Variants in ADGRL2 observed in about 807,000 individuals in gnomAD.
The protein encoded by ADGRL2 is adhesion G protein-coupled receptor L2, also known as calcium-independent alpha-latrotoxin receptor 2.
A neutral mutation model predicts 157.4 loss-of-function variants in ADGRL2; 44 were observed. The ratio of observed to expected loss-of-function variants is 0.28; its 90% CI spans 0.22 to 0.36. The LOEUF (loss-of-function observed/expected upper bound fraction) is 0.36, where lower values mean the gene tolerates loss of function less well. ADGRL2 is among the 10% of genes least tolerant of loss of function. The pLI is 1.00. For synonymous variants in ADGRL2, 585 were observed against 624.7 expected, an observed-to-expected ratio of 0.94 and a Z score of 0.95; for missense variants, 1,510 against 1,768.9, an observed-to-expected ratio of 0.85 and a Z score of 2.63.
At position 81,667,510 on chromosome 1, in the gene ADGRL2, T is replaced by C. The variant is rs147830700; in HGVS notation, c.-143+86530T>C. Among the ~76,000 whole-genome samples, 32 of 152,300 alleles carry C rather than the reference T, an allele frequency of 2.1e-4. No homozygotes were observed. In the East Asian group the frequency reaches 6.2e-3, roughly 29 times the overall value. On this transcript the variant is annotated intron_variant, in intron 3 of 24. Transcript: ENST00000370721. Reference sequence around the variant, plus strand: ...CATAACAGCTATTGACTAAAGAACTTAGCTGGGAATGTCTTTCGTCTGTCA... The same window carrying C: ...CATAACAGCTATTGACTAAAGAACTCAGCTGGGAATGTCTTTCGTCTGTCA...
At chr1:81,971,432 G>T (rs558283899) in intron 16 of ADGRL2, among the ~76,000 whole-genome samples, 2 of 152,234 alleles carry the variant, frequency 1.3e-5, no homozygotes, top group East Asian at 3.9e-4. Context: ...TGGGGGTTCT[G>T]TTAGGTTCCA....
intron 2 of ADGRL2, among the ~76,000 whole-genome samples, chr1:81,477,873 C>G (rs1224507556): frequency 3.3e-5 from 5 of 152,130 alleles, no homozygotes; most frequent in African/African-American, 9.7e-5. Context: ...CTGCTGCAAA[C>G]ATTTTTGAAT....
Position 81,907,029 on chromosome 1 carries a change from C to G in ADGRL2, c.86C>G (p.Ala29Gly). The change falls in exon 3 of 24, where the codon GCA (alanine) becomes GGA (glycine). Residue 29 changes from alanine (A) to glycine (G), a missense_variant. Around this residue, in one of 4 missense-constraint regions of ADGRL2, gnomAD observed 361 missense variants for 498.4 expected, o/e 0.72. Coordinates refer to ENST00000686636, the MANE Select transcript of ADGRL2 (RefSeq NM_001366006.2). ...FLPNTEGFSR[A>G]ALPFGLVRRE... Reference sequence around the variant, plus strand: ...TTTTTATTTTAAGGTTTCAGCAGAGCAGCTTTACCATTTGGGCTGGTGAGG... The same window carrying G: ...TTTTTATTTTAAGGTTTCAGCAGAGGAGCTTTACCATTTGGGCTGGTGAGG... 1 of 1,613,120 alleles carries G rather than the reference C, an allele frequency of 6.2e-7. No individual in the cohort carries two copies. Among genetic ancestry groups the G allele is most frequent in the Non-Finnish European group, 8.5e-7 (1 of 1,179,206 alleles).
At chr1:81,667,017 T>C (rs975060400) in intron 3 of ADGRL2, among the ~76,000 whole-genome samples, 1 of 152,186 alleles carries the variant, frequency 6.6e-6, no homozygotes, top group Non-Finnish European at 1.5e-5. Flanking sequence ...CTATTATATT[T>C]AATAGTGCAC....
At chr1:81,382,384 G>A (rs974317904) in intron 1 of ADGRL2, among the ~76,000 whole-genome samples, 1 of 152,158 alleles carries the variant, frequency 6.6e-6, no homozygotes, top group Non-Finnish European at 1.5e-5. Flanking sequence ...CAATCTGAAT[G>A]TCCATTAAGT....
intron 3 of ADGRL2, among the ~76,000 whole-genome samples, chr1:81,599,409 A>G (rs946716860): frequency 6.6e-6 from 1 of 152,132 alleles, no homozygotes; most frequent in African/African-American, 2.4e-5. Context: ...ACTCTAAGAT[A>G]TCAGTAACAT....
chr1:81,990,744 C>G lies in ADGRL2; in HGVS notation c.4009C>G (p.Leu1337Val), dbSNP rs368144102. The G allele has an allele frequency of 1.2e-5, 20 of 1,614,148 alleles. No individual in the cohort carries two copies. The African/African-American group carries it at 1.5e-4, about 12-fold the overall frequency. The change falls in exon 24 of 24, where the codon CTT becomes GTT. Residue 1337 changes from leucine (L) to valine (V), a missense_variant. Leu to Val is a conservative substitution (Grantham distance 32). Around this residue, in one of 4 missense-constraint regions of ADGRL2, gnomAD observed 327 missense variants for 310.1 expected, o/e 1.05. Transcript: ENST00000686636. ...CCATCACAAAGAACTCGAGGCACCA[C>G]TTATTCCTCAGCGGACTCACTCCCT... is the stretch of plus-strand genomic sequence containing the variant. ...ELHHKELEAP[L>V]IPQRTHSLLY...
At chr1:81,791,609 A>C (rs907387652) in intron 2 of ADGRL2, among the ~76,000 whole-genome samples, 1 of 152,164 alleles carries the variant, frequency 6.6e-6, no homozygotes, top group Non-Finnish European at 1.5e-5. Flanking sequence ...AGGAAAAAAA[A>C]CGGGATGGAA....
intron 1 of ADGRL2, among the ~76,000 whole-genome samples, chr1:81,369,397 T>C (rs754288312): frequency 1.3e-5 from 2 of 152,354 alleles, no homozygotes; most frequent in East Asian, 1.9e-4. Flanking sequence ...GTCTATAGTC[T>C]ATATGTAAAT....
At chr1:81,331,219 T>G (rs1661244700) in intron 1 of ADGRL2, among the ~76,000 whole-genome samples, 1 of 152,148 alleles carries the variant, frequency 6.6e-6, no homozygotes, top group Non-Finnish European at 1.5e-5. Flanking sequence ...TCAGACAGTA[T>G]GAAATTTTCT....
At chr1:81,850,342 C>T (rs1353753968) in intron 2 of ADGRL2, among the ~76,000 whole-genome samples, 17 of 151,786 alleles carry the variant, frequency 1.1e-4, no homozygotes, top group Non-Finnish European at 1.0e-4. Flanking sequence ...CTCTTTTACC[C>T]CTTCTTTCAG....
chr1:81,379,810 T>C (rs1405107671), intron 1 of ADGRL2, among the ~76,000 whole-genome samples: 5 of 152,116 alleles, frequency 3.3e-5, no homozygotes, highest in Admixed American at 2.6e-4. Flanking sequence ...GATCTCGAGT[T>C]TCTATAGGCC....
At chr1:81,403,977 T>C (rs2076809290) in intron 1 of ADGRL2, among the ~76,000 whole-genome samples, 1 of 152,052 alleles carries the variant, frequency 6.6e-6, no homozygotes, top group Non-Finnish European at 1.5e-5. Context: ...TTTGTATTTT[T>C]AGTAGAGACA....
intron 1 of ADGRL2, among the ~76,000 whole-genome samples, chr1:81,747,014 A>G (rs190644672): frequency 9.4e-4 from 131 of 139,714 alleles, no homozygotes; most frequent in East Asian, 2.6e-3. Context: ...ATACACACGT[A>G]TGTATACACG....
At chr1:81,825,672 A>G (rs76114800) in intron 1 of ADGRL2, among the ~76,000 whole-genome samples, 7,010 of 150,032 alleles carry the variant, frequency 0.047, 594 homozygotes, top group African/African-American at 0.16. Flanking sequence ...AAAAAAAAAA[A>G]AAAAAGACAT....
rs546284078 is a variant in ADGRL2 at position 81,859,829 on chromosome 1, T to A, written c.73+22772T>A. On this transcript the variant is annotated intron_variant, in intron 2 of 23. Transcript: ENST00000686636. ...AGGACTTTATTAAATCCTAAGCAAATTCAGACATCATAGAAAATTGGAAAG... is the reference window on the plus strand; with the variant it reads ...AGGACTTTATTAAATCCTAAGCAAAATCAGACATCATAGAAAATTGGAAAG... Among the ~76,000 whole-genome samples, 27 of 152,204 alleles carry A rather than the reference T, an allele frequency of 1.8e-4. No homozygotes were observed. In the South Asian group the frequency reaches 5.4e-3, roughly 30 times the overall value.
rs564751443 is a variant in ADGRL2 at position 81,707,771 on chromosome 1, C to G, written c.-143+7963C>G. 2.0e-5 allele frequency among the ~76,000 whole-genome samples: 3 copies of G among 152,162 alleles called. No homozygotes were observed. In the South Asian group the frequency reaches 6.2e-4, roughly 32 times the overall value. ...AGTAGAATATTATTTTTGCCCTATT[C>G]GAATACTTTTTTATTAGCCACCCAC... On this transcript the variant is annotated intron_variant, in intron 1 of 20. Coordinates refer to the ADGRL2 transcript ENST00000359929.
chr1:81,470,443 C>T (rs1425608097), intron 2 of ADGRL2, among the ~76,000 whole-genome samples: 1 of 152,122 alleles, frequency 6.6e-6, no homozygotes, highest in African/African-American at 2.4e-5. Context: ...TTCCTCTTCC[C>T]TTTCTTGTTC....
At chr1:81,830,115 A>G (rs1178777719) in intron 1 of ADGRL2, among the ~76,000 whole-genome samples, 1 of 152,172 alleles carries the variant, frequency 6.6e-6, no homozygotes, top group East Asian at 1.9e-4. Context: ...TTTCTTGCAT[A>G]TTTAATTCTC....
Sources: gnomAD v4.1 joint callset for allele counts (sites outside exome capture counted in the v4.1 genomes callset) on GRCh38, gnomAD v4.1.1 for gene constraint, gnomAD v4.1.1 regional missense constraint, MANE v1.5 for transcripts, NCBI Gene and HGNC (gene_info 2026-07-23, HGNC 2026-07-21) for gene names.